CNIH3: variants seen among roughly 807,000 people sequenced by gnomAD.
CNIH3 encodes protein cornichon homolog 3.
CNIH3 carries 14 observed loss-of-function variants against 24.1 expected under a neutral mutation model. That is an observed-to-expected ratio of 0.58 (90% CI 0.38 to 0.91). The LOEUF is 0.91. Ranked by LOEUF, CNIH3 falls within the 40% of genes least tolerant of loss-of-function variation. The pLI is 0.00. For missense variants in CNIH3, 178 were observed against 196.8 expected, an observed-to-expected ratio of 0.90 and a Z score of 0.57; for synonymous variants, 68 against 73.8, an observed-to-expected ratio of 0.92 and a Z score of 0.40.
chr1:224,598,095 A>C (rs1243777607), intron 3 of CNIH3, among the ~76,000 whole-genome samples: 1 of 152,248 alleles, frequency 6.6e-6, no homozygotes, highest in African/African-American at 2.4e-5. Flanking sequence ...AGGATTCACC[A>C]TTCTAACATG....
chr1:224,705,855 TTTTC>T (rs557011399), intron 3 of CNIH3, among the ~76,000 whole-genome samples: 3,652 of 109,042 alleles, frequency 0.033, 168 homozygotes, highest in African/African-American at 0.086. Flanking sequence ...CTTTTCTTTT[TTTTC>T]TTTTTTTTTT....
At chr1:224,437,996 T>C (rs1278846760) in intron 1 of CNIH3, among the ~76,000 whole-genome samples, 4 of 151,280 alleles carry the variant, frequency 2.6e-5, no homozygotes, top group African/African-American at 9.7e-5. Context: ...CACTGCAAGC[T>C]CCGCCTCCTG....
chr1:224,446,146 C>T (rs981202547), intron 1 of CNIH3, among the ~76,000 whole-genome samples: 8 of 150,882 alleles, frequency 5.3e-5, no homozygotes, highest in African/African-American at 1.2e-4. Flanking sequence ...TGATACCATA[C>T]TGACTTACTT....
chr1:224,450,889 C>T (rs188266007), intron 1 of CNIH3, among the ~76,000 whole-genome samples: 71 of 152,228 alleles, frequency 4.7e-4, no homozygotes, highest in African/African-American at 1.6e-3. Flanking sequence ...TTCACTTTGC[C>T]CAAGGCACAC....
chr1:224,681,333 A>T (rs1686391127), intron 2 of CNIH3, among the ~76,000 whole-genome samples: 1 of 152,154 alleles, frequency 6.6e-6, no homozygotes, highest in Non-Finnish European at 1.5e-5. Context: ...AAACAAGAAA[A>T]GAGGCTCCAT....
chr1:224,649,503 C>G (rs1425375651), intron 1 of CNIH3, among the ~76,000 whole-genome samples: 1 of 152,168 alleles, frequency 6.6e-6, no homozygotes, highest in Non-Finnish European at 1.5e-5. Flanking sequence ...GGAACTAATA[C>G]TATAATGTAT....
At chr1:224,579,078 T>TTTCTTTC (rs1254264432) in intron 4 of CNIH3, among the ~76,000 whole-genome samples, 2 of 151,860 alleles carry the variant, frequency 1.3e-5, no homozygotes, top group Non-Finnish European at 2.9e-5. Flanking sequence ...TTTTTTTTTT[T>TTTCTTTC]TTCTTTCTGT....
At chr1:224,559,643 G>C (rs1245989035) in intron 3 of CNIH3, among the ~76,000 whole-genome samples, 3 of 152,032 alleles carry the variant, frequency 2.0e-5, no homozygotes, top group Non-Finnish European at 2.9e-5. Flanking sequence ...AATGTGCTGG[G>C]ATTATAGGCA....
intron 3 of CNIH3, among the ~76,000 whole-genome samples, chr1:224,720,108 C>T (rs923761208): frequency 1.3e-5 from 2 of 152,188 alleles, no homozygotes; most frequent in Non-Finnish European, 2.9e-5. Flanking sequence ...ATGATGATGA[C>T]AGCTCGTGTT....
chr1:224,726,178 G>T (rs974612269), intron 3 of CNIH3, among the ~76,000 whole-genome samples: 3 of 152,234 alleles, frequency 2.0e-5, no homozygotes, highest in African/African-American at 4.8e-5. Flanking sequence ...CTGCTAGAAG[G>T]TTCTTGCACC....
chr1:224,706,958 C>CTTTTTTTT (rs71170031), intron 3 of CNIH3, among the ~76,000 whole-genome samples: 193 of 82,094 alleles, frequency 2.4e-3, no homozygotes, highest in African/African-American at 3.5e-3. Flanking sequence ...TCCTTTCTTT[C>CTTTTTTTT]TTTTTTTTTT....
chr1:224,655,691 T>C (rs1595151), intron 1 of CNIH3, among the ~76,000 whole-genome samples: 88,625 of 151,528 alleles, frequency 0.58, 28,085 homozygotes, highest in African/African-American at 0.83. Flanking sequence ...TTGCTCACTC[T>C]ATGGAAAGCC....
chr1:224,716,889 A>G (rs919032842), intron 3 of CNIH3, among the ~76,000 whole-genome samples: 3 of 152,184 alleles, frequency 2.0e-5, no homozygotes, highest in African/African-American at 7.2e-5. Flanking sequence ...GCTCCTCATC[A>G]GGCCCCTTCA....
intron 1 of CNIH3, among the ~76,000 whole-genome samples, chr1:224,440,622 CAG>C (rs1230354079): frequency 6.6e-6 from 1 of 152,148 alleles, no homozygotes; most frequent in Non-Finnish European, 1.5e-5. Flanking sequence ...TGTTACAAAA[CAG>C]TGTGCATAAT....
At chr1:224,498,193 A>G (rs1396803564) in intron 1 of CNIH3, among the ~76,000 whole-genome samples, 2 of 152,150 alleles carry the variant, frequency 1.3e-5, no homozygotes, top group African/African-American at 4.8e-5. Flanking sequence ...TGCCACTGCA[A>G]TGCCATCTGG....
downstream of CNIH3, among the ~76,000 whole-genome samples, chr1:224,589,288 G>C (rs1681649484): frequency 1.3e-5 from 2 of 152,126 alleles, no homozygotes; most frequent in South Asian, 4.2e-4. Flanking sequence ...TGTCCTCACT[G>C]TGACTATGAG....
chr1:224,718,789 T>C (rs1322920010), intron 3 of CNIH3, among the ~76,000 whole-genome samples: 1 of 152,066 alleles, frequency 6.6e-6, no homozygotes, highest in Non-Finnish European at 1.5e-5. Flanking sequence ...CAGTTTGTCA[T>C]AGTGATTCTC....
At chr1:224,547,112 A>T (rs1679732602) in intron 3 of CNIH3, among the ~76,000 whole-genome samples, 4 of 152,192 alleles carry the variant, frequency 2.6e-5, no homozygotes, top group Admixed American at 2.6e-4. Flanking sequence ...AAATTGCAAG[A>T]TTTCCTAACA....
At chr1:224,685,489 CA>C (rs1364948471) in intron 3 of CNIH3, among the ~76,000 whole-genome samples, 1 of 152,086 alleles carries the variant, frequency 6.6e-6, no homozygotes, top group Non-Finnish European at 1.5e-5. Context: ...GTCTCTTTCC[CA>C]AAAAAGTGTG....
Sources: allele counts gnomAD v4.1 joint callset (sites outside exome capture counted in the v4.1 genomes callset), GRCh38; gene constraint gnomAD v4.1.1; transcripts MANE v1.5; gene names NCBI Gene and HGNC (gene_info 2026-07-23, HGNC 2026-07-21).